The following KMT2B variants were observed in gnomAD, a reference collection of about 807,000 sequenced individuals.
KMT2B encodes the protein histone-lysine N-methyltransferase 2B.
KMT2B carries 22 observed loss-of-function variants against 255.3 expected under a neutral mutation model. The ratio of observed to expected loss-of-function variants is 0.09; its 90% CI spans 0.06 to 0.12. The LOEUF (loss-of-function observed/expected upper bound fraction) is 0.12, where lower values mean the gene tolerates loss of function less well. KMT2B is among the 10% of genes least tolerant of loss of function. The pLI is 1.00. For synonymous variants in KMT2B, 1,730 were observed against 1,498.1 expected (o/e 1.15, Z -3.57); for missense variants, 3,149 against 3,737.0 (o/e 0.84, Z 4.10).
intron 30 of KMT2B, 160 bp from the exon 31 acceptor site, chr19:35,736,530 C>T (rs1183469437): frequency 3.6e-5 from 29 of 799,002 alleles, no homozygotes; most frequent in Non-Finnish European, 2.2e-5. Context: ...TTCTGCAGGG[C>T]TCACTGGGTA....
Position 35,723,856 on chromosome 19 carries a change from C to T in KMT2B, c.3183C>T (p.His1061=). ...AGGPREEVVA[H]PGPEEQDSLL... Reference sequence around the variant, plus strand: ...GGCCCCGGGAGGAGGTGGTGGCCCACCCAGGGCCCGAGGAGCAGGACTCCC... The same window carrying T: ...GGCCCCGGGAGGAGGTGGTGGCCCATCCAGGGCCCGAGGAGCAGGACTCCC... The change falls in exon 8 of 37, where the codon CAC becomes CAT. Residue 1061 remains histidine, a synonymous_variant. Coordinates refer to ENST00000420124, the MANE Select transcript of KMT2B (RefSeq NM_014727.3). The surrounding 1 kb of genome is among the most constrained non-coding windows in gnomAD (Gnocchi z 7.5). 2 of 1,605,814 alleles carry T rather than the reference C, an allele frequency of 1.2e-6. No individual in the cohort carries two copies. The highest frequency in any genetic ancestry group is 1.7e-6 in the Non-Finnish European group (2 of 1,176,488).
Position 35,733,303 on chromosome 19 carries a change from G to GGCCCCCCC in KMT2B, c.6754_6755insGCCCCCCC (p.Ala2252GlyfsTer12). ...GCCCGTGGTCGGAGTGGTCCGCCCT[G>GGCCCCCCC]CCCCGCCCCCGCCACCCCCTCCCCT... is the stretch of plus-strand genomic sequence containing the variant. On this transcript the variant is annotated frameshift_variant, in exon 28 of 37. Transcript: ENST00000420124. LOFTEE classifies it high-confidence loss of function. This position sits in a 1 kb window ranked among gnomAD's most constrained non-coding sequence, Gnocchi z 4.3. 26 of 1,340,060 alleles carry GGCCCCCCC rather than the reference G, an allele frequency of 1.9e-5. No individual in the cohort carries two copies. The highest frequency in any genetic ancestry group is 4.4e-5 in the African/African-American group (3 of 68,012). 83.0% of individuals were successfully genotyped at this position (1,340,060 alleles called of 1,614,324 possible).
Position 35,719,903 on chromosome 19 carries a change from A to G in KMT2B, c.556A>G (p.Thr186Ala), listed in dbSNP as rs775328055. The G allele has an allele frequency of 1.8e-5, 29 of 1,613,196 alleles. No individual in the cohort carries two copies. The highest frequency in any genetic ancestry group is 2.4e-5 in the Non-Finnish European group (28 of 1,179,838). ...TGCCCGGAAACGGGGTGAGGAAGGC[A>G]CAGAACGGATGGTGCAGGCACTGAC... ...TPARKRGEEGTERMVQALTEL... is the reference protein window; with the variant it reads ...TPARKRGEEGAERMVQALTEL... Residue 186 changes from threonine (T) to alanine (A), a missense_variant, in exon 3 of 37, where the codon ACA becomes GCA. Thr to Ala is a moderately conservative substitution (Grantham distance 58). Around this residue, in one of 18 missense-constraint regions of KMT2B, gnomAD observed 1,188 missense variants for 1,106.4 expected, o/e 1.07. Coordinates refer to ENST00000420124, the MANE Select transcript of KMT2B (RefSeq NM_014727.3).
rs753813107 is a variant in KMT2B, at chr19:35,733,361, C to A, written c.6812C>A (p.Pro2271Gln). The change falls in exon 28 of 37, where the codon CCG becomes CAG. Residue 2271 changes from proline (P) to glutamine (Q), a missense_variant. Physicochemically the swap from Pro to Gln is moderately conservative, Grantham distance 76. Coordinates refer to ENST00000420124, the MANE Select transcript of KMT2B (RefSeq NM_014727.3). The surrounding 1 kb of genome is among the most constrained non-coding windows in gnomAD (Gnocchi z 4.3). ...GTGCTGAGCAGTGGGCCAGCCAGCC[C>A]GCCCCGCCAGGCCATCCGCGTCAAG... The part of the protein sequence containing the change: ...TLVLSSGPAS[P>Q]PRQAIRVKRV... The A allele has an allele frequency of 6.5e-7, 1 of 1,547,956 alleles. No individual in the cohort carries two copies. Among genetic ancestry groups the A allele is most frequent in the Non-Finnish European group, 8.7e-7 (1 of 1,145,648 alleles).
In KMT2B at chr19:35,732,026, CCCT is replaced by C; in HGVS notation, c.5562_5564del (p.Pro1855del). 6.2e-7 allele frequency: 1 copy of C among 1,613,432 alleles called. No homozygotes were observed. The highest frequency in any genetic ancestry group is 8.5e-7 in the Non-Finnish European group (1 of 1,179,700). On this transcript the variant is annotated inframe_deletion, in exon 27 of 37. Transcript: ENST00000420124. ...CACTGCGGCCAGATTCAGGCAGCGC[CCCT>C]CCTCCAGCCCCCCGTTCTTTTTCGG...
chr19:35,727,650 GC>G lies in KMT2B; in HGVS notation c.4302+30del, dbSNP rs1213707899. 6.2e-7 allele frequency: 1 copy of G among 1,612,154 alleles called. No individual in the cohort carries two copies. The highest frequency in any genetic ancestry group is 1.3e-5 in the African/African-American group (1 of 74,926). ...CTGGAGGGCCCTGGAGGCAGGATGG[GC>G]CGGGGCTAGGCCCACCCCCAGCCCT... is the stretch of plus-strand genomic sequence containing the variant. On this transcript the variant is annotated intron_variant, in intron 16 of 36. Coordinates refer to ENST00000420124, the MANE Select transcript of KMT2B (RefSeq NM_014727.3). This position sits in a 1 kb window ranked among gnomAD's most constrained non-coding sequence, Gnocchi z 4.2.
At chr19:35,724,902 C>T (rs1307812370) in intron 9 of KMT2B, 87 bp from the exon 10 acceptor site, 14 of 1,028,464 alleles carry the variant, frequency 1.4e-5, no homozygotes, top group African/African-American at 3.5e-5. Flanking sequence ...GGTCTGGGTC[C>T]AGTAGGCTGG....
chr19:35,726,442 C>T (rs376439503), intron 14 of KMT2B, 89 bp downstream of exon 14: 7 of 842,530 alleles, frequency 8.3e-6, no homozygotes, highest in East Asian at 7.6e-5. Flanking sequence ...CCTCTTTTCT[C>T]ATGGCTTTCC....
At position 35,733,383 on chromosome 19, in the gene KMT2B, C is replaced by T; in HGVS notation, c.6834C>T (p.Val2278=). 1 of 1,549,576 alleles carries T rather than the reference C, an allele frequency of 6.5e-7. No individual in the cohort carries two copies. The highest frequency in any genetic ancestry group is 1.4e-5 in the African/African-American group (1 of 73,060). The change falls in exon 28 of 37, where the codon GTC becomes GTT. Residue 2278 remains valine (V), a synonymous_variant. Transcript: ENST00000420124. The surrounding 1 kb of genome is among the most constrained non-coding windows in gnomAD (Gnocchi z 4.3). ...PASPPRQAIR[V]KRVSTFSGRS... is the part of the protein sequence containing the mutation. ...GCCCGCCCCGCCAGGCCATCCGCGT[C>T]AAGAGGGTGTCCACTTTCTCCGGCC...
rs767027293 is a variant in KMT2B, at chr19:35,719,988, C to T, written c.641C>T (p.Ser214Phe). The change falls in exon 3 of 37, where the codon TCC becomes TTC. Residue 214 changes from serine to phenylalanine, a missense_variant. Transcript: ENST00000420124. ...QAPRSRACEP[S>F]TPRRSRGRPP... The stretch of plus-strand genomic sequence containing the variant: ...CCCCGGAGCCGGGCATGTGAGCCCT[C>T]CACCCCCCGGCGGTCTCGGGGACGG... The T allele has an allele frequency of 3.1e-6, 5 of 1,613,210 alleles. No individual in the cohort carries two copies. Among genetic ancestry groups the T allele is most frequent in the Middle Eastern group, 1.7e-4 (1 of 6,060 alleles).
chr19:35,722,399 T>A lies in KMT2B; in HGVS notation c.2498T>A (p.Val833Asp). The A allele has an allele frequency of 6.2e-7, 1 of 1,610,984 alleles. No homozygotes were observed. Among genetic ancestry groups the A allele is most frequent in the Non-Finnish European group, 8.5e-7 (1 of 1,179,784 alleles). ...CAGATGGAGGAGGTGGCCGGGGCTG[T>A]CAAGCAGATCTCCGACAGAGGCCCT... ...GGQMEEVAGA[V>D]KQISDRGPVR... Residue 833 changes from valine (V) to aspartate (D), a missense_variant, in exon 4 of 37, where the codon GTC becomes GAC. This residue lies in a region of KMT2B where 1,188 missense variants were observed against 1,106.4 expected (regional missense o/e 1.07). Coordinates refer to ENST00000420124, the MANE Select transcript of KMT2B (RefSeq NM_014727.3).
rs79019641 is a variant in KMT2B at position 35,738,001 on chromosome 19, G to A, written c.7742+59G>A. ...GTGGACGGACAGGTGCACTGGGTAG[G>A]GGGTACTGTCTGGTTTCTGTCCCCC... On this transcript the variant is annotated intron_variant, in intron 35 of 36. Coordinates refer to ENST00000420124, the MANE Select transcript of KMT2B (RefSeq NM_014727.3). The surrounding 1 kb of genome is among the most constrained non-coding windows in gnomAD (Gnocchi z 8.7). 8.2e-4 allele frequency: 1,325 copies of A among 1,612,218 alleles called. 2 individuals carry two copies. In the Middle Eastern group the frequency reaches 0.014, roughly 17 times the overall value.
intron 30 of KMT2B, among the ~76,000 whole-genome samples, chr19:35,734,987 C>A (rs944786044): frequency 2.9e-4 from 44 of 152,210 alleles, no homozygotes; most frequent in African/African-American, 1.0e-3. Context: ...GGGATCAGAC[C>A]ACATTTTGGT....
chr19:35,734,937 A>T (rs973946157), intron 30 of KMT2B, among the ~76,000 whole-genome samples: 13 of 152,218 alleles, frequency 8.5e-5, no homozygotes, highest in African/African-American at 2.9e-4. Flanking sequence ...CAGAGATGAC[A>T]TGAGAATATG....
Position 35,721,261 on chromosome 19 carries a change from C to T in KMT2B, c.1914C>T (p.Ala638=). 6.5e-7 allele frequency: 1 copy of T among 1,530,816 alleles called. No homozygotes were observed. Among genetic ancestry groups the T allele is most frequent in the South Asian group, 1.2e-5 (1 of 83,556 alleles). 94.8% of individuals were successfully genotyped at this position (1,530,816 alleles called of 1,614,324 possible). ...PPAPSPPPAP[A]TSSRRPLLLR... is the part of the protein sequence containing the mutation. Reference sequence around the variant, plus strand: ...CCCCCTCCCCACCCCCTGCTCCTGCCACCTCCTCCCGGAGGCCCCTACTCC... The same window carrying T: ...CCCCCTCCCCACCCCCTGCTCCTGCTACCTCCTCCCGGAGGCCCCTACTCC... The change falls in exon 3 of 37, where the codon GCC becomes GCT. Residue 638 remains alanine, a synonymous_variant. Coordinates refer to ENST00000420124, the MANE Select transcript of KMT2B (RefSeq NM_014727.3).
intron 8 of KMT2B, 71 bp downstream of exon 8, chr19:35,724,078 G>A: frequency 7.0e-7 from 1 of 1,425,028 alleles, no homozygotes; most frequent in Non-Finnish European, 9.4e-7. Context: ...GGAGGGACAA[G>A]GCACCCAGAC....
rs1258088207 is a variant in KMT2B, at chr19:35,718,256, C to G, written c.238C>G (p.Leu80Val). The G allele has an allele frequency of 1.7e-6, 2 of 1,206,324 alleles. No homozygotes were observed. Among genetic ancestry groups the G allele is most frequent in the South Asian group, 4.2e-5 (1 of 24,070 alleles). 74.7% of individuals were successfully genotyped at this position (1,206,324 alleles called of 1,614,324 possible). The change falls in exon 1 of 37, where the codon CTC (leucine) becomes GTC (valine). Residue 80 changes from leucine (L) to valine (V), a missense_variant. Leu to Val is a conservative substitution (Grantham distance 32). Coordinates refer to ENST00000420124, the MANE Select transcript of KMT2B (RefSeq NM_014727.3). This position sits in a 1 kb window ranked among gnomAD's most constrained non-coding sequence, Gnocchi z 5.0. ...LLGLRRGLRR[L>V]RRLWAGPRVQ... ...GGGGCTCCGCCGGGGCCTGCGCCGGCTCCGCCGCCTGTGGGCCGGCCCGCG... is the reference window on the plus strand; with the variant it reads ...GGGGCTCCGCCGGGGCCTGCGCCGGGTCCGCCGCCTGTGGGCCGGCCCGCG...
In KMT2B at chr19:35,733,287, C is replaced by A. The variant is rs541961564; in HGVS notation, c.6738C>A (p.Val2246=). Residue 2246 remains valine (V), a synonymous_variant, in exon 28 of 37, where the codon GTC becomes GTA. Coordinates refer to ENST00000420124, the MANE Select transcript of KMT2B (RefSeq NM_014727.3). This position sits in a 1 kb window ranked among gnomAD's most constrained non-coding sequence, Gnocchi z 4.3. Reference sequence around the variant, plus strand: ...CCCTCCTCGGCGTGCTGCCCGTGGTCGGAGTGGTCCGCCCTGCCCCGCCCC... The same window carrying A: ...CCCTCCTCGGCGTGCTGCCCGTGGTAGGAGTGGTCCGCCCTGCCCCGCCCC... ...PGPLLGVLPV[V]GVVRPAPPPP... is the part of the protein sequence containing the mutation. 2.0e-5 allele frequency: 29 copies of A among 1,478,454 alleles called. No individual in the cohort carries two copies. In the South Asian group the frequency reaches 3.3e-4, roughly 17 times the overall value. 91.6% of individuals were successfully genotyped at this position (1,478,454 alleles called of 1,614,324 possible). A position where few individuals can be genotyped will look rare whatever the true frequency, so the allele number is the denominator to read the frequency against.
In KMT2B at chr19:35,723,617, T is replaced by C. The variant is rs1969306662; in HGVS notation, c.3058+115T>C. The C allele has an allele frequency of 7.7e-7, 1 of 1,297,690 alleles. No individual in the cohort carries two copies. The highest frequency in any genetic ancestry group is 1.1e-6 in the Non-Finnish European group (1 of 948,122). 80.4% of individuals were successfully genotyped at this position (1,297,690 alleles called of 1,614,324 possible). ...AGCTCACCCTCTCCATCTTCTCCGT[T>C]GTGTGCTTTCATAGCTCCTGCGTTC... On this transcript the variant is annotated intron_variant, in intron 7 of 36. Transcript: ENST00000420124. This position sits in a 1 kb window ranked among gnomAD's most constrained non-coding sequence, Gnocchi z 7.5.
Sources: allele counts gnomAD v4.1 joint callset (sites outside exome capture counted in the v4.1 genomes callset), GRCh38; gene constraint gnomAD v4.1.1; regional missense constraint gnomAD v4.1.1; non-coding constraint Gnocchi (gnomAD v3.1); transcripts MANE v1.5; gene names NCBI Gene and HGNC (gene_info 2026-07-23, HGNC 2026-07-21).